The following GPR141 variants were observed in gnomAD, a reference collection of about 807,000 sequenced individuals.
GPR141 encodes the protein probable G protein-coupled receptor 141.
In GPR141, 6 loss-of-function variants were observed where a neutral mutation model predicts 6.8. That is an observed-to-expected ratio of 0.88 (90% CI 0.48 to 1.74). GPR141 has a LOEUF of 1.74. Among genes scored for constraint, GPR141 ranks in the 40% most tolerant of loss-of-function variants. GPR141 has a pLI of 0.01. For missense variants in GPR141, 372 were observed against 372.9 expected (o/e 1.00, Z 0.02); for synonymous variants, 140 against 142.3 (o/e 0.98, Z 0.11).
chr7:37,705,937 C>T (rs115513785), intron 2 of GPR141, among the ~76,000 whole-genome samples: 7,481 of 152,218 alleles, frequency 0.049, 631 homozygotes, highest in African/African-American at 0.17. Context: ...TGCGACAGCA[C>T]TGAACGGGCT....
chr7:37,736,496 A>G (rs575788584), intron 2 of GPR141, among the ~76,000 whole-genome samples: 8 of 42,414 alleles, frequency 1.9e-4, no homozygotes, highest in East Asian at 6.8e-4. Flanking sequence ...TAAACAGAGG[A>G]AAAAAAAAAA....
intron 2 of GPR141, among the ~76,000 whole-genome samples, chr7:37,737,819 C>G (rs1812319721): frequency 6.6e-6 from 1 of 152,066 alleles, no homozygotes; most frequent in Admixed American, 6.6e-5. Flanking sequence ...AAAGTCTGTA[C>G]AGAAAAGCAG....
intron 2 of GPR141, among the ~76,000 whole-genome samples, chr7:37,688,048 A>G (rs922502073): frequency 2.0e-5 from 3 of 152,186 alleles, no homozygotes; most frequent in African/African-American, 7.2e-5. Flanking sequence ...GTGATCAGAT[A>G]AAAACTGTGT....
intron 1 of GPR141, among the ~76,000 whole-genome samples, chr7:37,684,924 C>G (rs1420813837): frequency 6.6e-6 from 1 of 152,154 alleles, no homozygotes; most frequent in Non-Finnish European, 1.5e-5. Flanking sequence ...CCTCTGTTTT[C>G]TAGTAATTGG....
chr7:37,739,371 T>G (rs1812415685), intron 2 of GPR141, among the ~76,000 whole-genome samples: 1 of 152,184 alleles, frequency 6.6e-6, no homozygotes, highest in Non-Finnish European at 1.5e-5. Flanking sequence ...TTTTCCTCAT[T>G]TCCCCATGTC....
intron 2 of GPR141, among the ~76,000 whole-genome samples, chr7:37,704,075 A>AT (rs899877678): frequency 3.9e-5 from 6 of 152,126 alleles, no homozygotes; most frequent in African/African-American, 1.2e-4. Flanking sequence ...TCAACATGGG[A>AT]TTTTTTGAGA....
At chr7:37,690,373 C>T (rs1384355186) in intron 2 of GPR141, among the ~76,000 whole-genome samples, 3 of 152,018 alleles carry the variant, frequency 2.0e-5, no homozygotes, top group Non-Finnish European at 4.4e-5. Context: ...CTCCTGATAG[C>T]GAGAGGGTTT....
intron 2 of GPR141, among the ~76,000 whole-genome samples, chr7:37,725,232 G>A (rs1158720110): frequency 6.6e-6 from 1 of 152,192 alleles, no homozygotes; most frequent in East Asian, 1.9e-4. Context: ...TCAGTGTTAT[G>A]AAGAACATGG....
chr7:37,685,674 C>T lies in GPR141; in HGVS notation c.-15+91C>T, dbSNP rs367857785. The T allele has an allele frequency of 7.3e-5, 11 of 151,596 alleles. No individual in the cohort carries two copies. In the East Asian group the frequency reaches 1.4e-3, roughly 19 times the overall value. 9.4% of individuals were successfully genotyped at this position (151,596 alleles called of 1,614,324 possible). Reference sequence around the variant, plus strand: ...ATGTTGCCCAGGTTAGTCTCAAACTCCTGGGCACAAGTGATCCTCCTGCCT... The same window carrying T: ...ATGTTGCCCAGGTTAGTCTCAAACTTCTGGGCACAAGTGATCCTCCTGCCT... On this transcript the variant is annotated intron_variant, in intron 2 of 2. Coordinates refer to ENST00000334425, the MANE Select transcript of GPR141 (RefSeq NM_001381946.1).
rs76970761 is a variant in GPR141, at chr7:37,700,653, T to C, written c.-15+15070T>C. 9.7e-3 allele frequency among the ~76,000 whole-genome samples: 1,474 copies of C among 152,328 alleles called. 26 individuals are homozygous for C. The highest frequency in any genetic ancestry group is 0.033 in the African/African-American group (1,364 of 41,562). ...GTACATTGTTATGATTTTATGTTTA[T>C]AGTCAAATAACATACAAATGATATT... On this transcript the variant is annotated intron_variant, in intron 2 of 2. Coordinates refer to ENST00000334425, the MANE Select transcript of GPR141 (RefSeq NM_001381946.1).
chr7:37,739,095 A>G (rs187372548), intron 2 of GPR141, among the ~76,000 whole-genome samples: 12 of 152,306 alleles, frequency 7.9e-5, no homozygotes, highest in African/African-American at 2.9e-4. Flanking sequence ...ACAAGGTGCT[A>G]TCACCCCATT....
At chr7:37,722,720 C>CAA (rs146286812) in intron 2 of GPR141, among the ~76,000 whole-genome samples, 1,990 of 121,116 alleles carry the variant, frequency 0.016, 70 homozygotes, top group African/African-American at 0.057. Flanking sequence ...GACTCCATCT[C>CAA]AAAAAAAAAA....
chr7:37,688,722 A>G (rs1035900164), intron 2 of GPR141, among the ~76,000 whole-genome samples: 1 of 152,158 alleles, frequency 6.6e-6, no homozygotes, highest in Non-Finnish European at 1.5e-5. Flanking sequence ...TCATCTGACA[A>G]GAGGAAGGCC....
intron 2 of GPR141, among the ~76,000 whole-genome samples, chr7:37,712,707 C>T (rs1326653307): frequency 2.0e-5 from 3 of 152,180 alleles, no homozygotes; most frequent in Non-Finnish European, 4.4e-5. Context: ...CTCTGAAGAA[C>T]ATTGTGTTTA....
chr7:37,740,316 GT>G, intron 2 of GPR141, 63 bp from the exon 3 acceptor site: 1 of 1,021,840 alleles, frequency 9.8e-7, no homozygotes, highest in Non-Finnish European at 1.5e-6. Flanking sequence ...TGTCAGTGCT[GT>G]AAAAGAGATA....
At chr7:37,722,371 A>G (rs1245250519) in intron 2 of GPR141, among the ~76,000 whole-genome samples, 1 of 151,338 alleles carries the variant, frequency 6.6e-6, no homozygotes, top group Non-Finnish European at 1.5e-5. Context: ...CAGGAGGATG[A>G]CTTGAGGCCA....
chr7:37,721,329 A>T (rs548676857), intron 2 of GPR141, among the ~76,000 whole-genome samples: 2 of 152,310 alleles, frequency 1.3e-5, no homozygotes, highest in South Asian at 4.1e-4. Flanking sequence ...TTTCCATCTT[A>T]GTGCCAGGAA....
chr7:37,685,434 C>CTCTCTTTCTTTCTTTCTTTCT (rs1178027940), intron 1 of GPR141, 26 bp from the exon 2 acceptor site: 8 of 142,806 alleles, frequency 5.6e-5, no homozygotes, highest in Non-Finnish European at 9.2e-5. Context: ...CCATCTCTCT[C>CTCTCTTTCTTTCTTTCTTTCT]TCTCTTTCTC....
chr7:37,685,442 C>T lies in GPR141; in HGVS notation c.-138-18C>T, dbSNP rs1809460687. On this transcript the variant is annotated intron_variant, in intron 1 of 2. Coordinates refer to ENST00000334425, the MANE Select transcript of GPR141 (RefSeq NM_001381946.1). ...CCTCCCTCCATCTCTCTCTCTCTTT[C>T]TCTCTTTCTTTCTTCAGGGCCTTTC... 1 of 139,908 alleles carries T rather than the reference C, an allele frequency of 7.1e-6. No individual in the cohort carries two copies. The highest frequency in any genetic ancestry group is 7.1e-5 in the Admixed American group (1 of 14,090). 8.7% of individuals were successfully genotyped at this position (139,908 alleles called of 1,614,324 possible).
Sources: allele counts gnomAD v4.1 joint callset (sites outside exome capture counted in the v4.1 genomes callset), GRCh38; gene constraint gnomAD v4.1.1; transcripts MANE v1.5; gene names NCBI Gene and HGNC (gene_info 2026-07-23, HGNC 2026-07-21).